Variants in DENND5A observed in about 807,000 individuals in gnomAD.
The protein encoded by DENND5A is DENN domain-containing protein 5A.
Under a neutral mutation model 140.3 loss-of-function variants are expected in DENND5A, and 64 were observed. The ratio of observed to expected loss-of-function variants is 0.46; its 90% CI spans 0.37 to 0.56. The LOEUF (loss-of-function observed/expected upper bound fraction) is 0.56. Among genes scored for constraint, DENND5A ranks in the 20% least tolerant of loss-of-function variants. The probability of loss-of-function intolerance (pLI) is 0.00; values close to 1 mark genes in which losing one functional copy is unlikely to be tolerated. For synonymous variants in DENND5A, 605 were observed against 607.7 expected (o/e 1.00, Z 0.07); for missense variants, 1,292 against 1,593.8 (o/e 0.81, Z 3.22).
intron 17 of DENND5A, 62 bp downstream of exon 17, chr11:9,145,608 T>C: frequency 6.3e-7 from 1 of 1,585,834 alleles, no homozygotes; most frequent in South Asian, 1.1e-5. Flanking sequence ...TGCAGAAAAC[T>C]CCCCAAAGCG....
intron 15 of DENND5A, 91 bp downstream of exon 15, chr11:9,149,990 C>A: frequency 1.3e-6 from 2 of 1,496,840 alleles, no homozygotes; most frequent in East Asian, 2.4e-5. Flanking sequence ...GCAGCAATGT[C>A]ACACTGAATA....
intron 10 of DENND5A, among the ~76,000 whole-genome samples, chr11:9,167,776 C>A (rs1848239977): frequency 6.6e-6 from 1 of 152,128 alleles, no homozygotes; most frequent in Non-Finnish European, 1.5e-5. Flanking sequence ...GCACTCCAAC[C>A]TGGGTGACAG....
intron 1 of DENND5A, among the ~76,000 whole-genome samples, chr11:9,239,731 G>A (rs1294884255): frequency 2.0e-5 from 3 of 152,126 alleles, no homozygotes; most frequent in African/African-American, 7.2e-5. Flanking sequence ...CAAAGTGCTG[G>A]GATTACAGGC....
intron 1 of DENND5A, among the ~76,000 whole-genome samples, chr11:9,222,195 T>A (rs935255570): frequency 6.6e-6 from 1 of 152,252 alleles, no homozygotes; most frequent in Non-Finnish European, 1.5e-5. Flanking sequence ...TATCAATGCA[T>A]GGCTAATCTT....
chr11:9,244,589 G>C (rs917459759), intron 1 of DENND5A, among the ~76,000 whole-genome samples: 7 of 152,090 alleles, frequency 4.6e-5, no homozygotes, highest in Non-Finnish European at 7.4e-5. Flanking sequence ...GGCTGGTCTT[G>C]AACTCCTGAC....
intron 12 of DENND5A, among the ~76,000 whole-genome samples, chr11:9,160,086 A>G (rs1039195405): frequency 1.3e-5 from 2 of 152,250 alleles, no homozygotes; most frequent in African/African-American, 2.4e-5. Flanking sequence ...ATGGATACTA[A>G]TATGTATTTT....
intron 22 of DENND5A, among the ~76,000 whole-genome samples, chr11:9,141,038 C>A (rs1435742148): frequency 6.6e-6 from 1 of 152,024 alleles, no homozygotes; most frequent in East Asian, 1.9e-4. Flanking sequence ...AGGCAGGAGA[C>A]TCACTTGAAC....
At chr11:9,263,856 A>AG (rs1352419197) in intron 1 of DENND5A, among the ~76,000 whole-genome samples, 1 of 150,540 alleles carries the variant, frequency 6.6e-6, no homozygotes, top group East Asian at 1.9e-4. Flanking sequence ...CTCAAAAAAA[A>AG]AAAAAAAAAA....
At chr11:9,233,417 A>G (rs898584620) in intron 1 of DENND5A, among the ~76,000 whole-genome samples, 8 of 151,298 alleles carry the variant, frequency 5.3e-5, no homozygotes, top group African/African-American at 1.9e-4. Flanking sequence ...AAAAAAAAAA[A>G]GAAATTCAAG....
At chr11:9,262,844 C>T (rs1306894097) in intron 1 of DENND5A, among the ~76,000 whole-genome samples, 1 of 152,140 alleles carries the variant, frequency 6.6e-6, no homozygotes, top group South Asian at 2.1e-4. Flanking sequence ...CGGGTTCACG[C>T]CATTCTCCTG....
At position 9,197,921 on chromosome 11, in the gene DENND5A, T is replaced by G. The variant is rs115820165; in HGVS notation, c.950-4240A>C. Among the ~76,000 whole-genome samples, 393 of 152,306 alleles carry G rather than the reference T, an allele frequency of 2.6e-3. 1 individual carries two copies. Among genetic ancestry groups the G allele is most frequent in the African/African-American group, 9.2e-3 (381 of 41,554 alleles). On this transcript the variant is annotated intron_variant, in intron 4 of 22. Coordinates refer to ENST00000328194, the MANE Select transcript of DENND5A (RefSeq NM_015213.4). Reference sequence around the variant, plus strand: ...TACAGTAAAAGACTACTTTAGATAGTAAAATATCATTGGAGATTTCTTACC... The same window carrying G: ...TACAGTAAAAGACTACTTTAGATAGGAAAATATCATTGGAGATTTCTTACC...
At chr11:9,233,039 C>T (rs1309419226) in intron 1 of DENND5A, among the ~76,000 whole-genome samples, 1 of 152,074 alleles carries the variant, frequency 6.6e-6, no homozygotes, top group Non-Finnish European at 1.5e-5. Context: ...AGTCAAAATA[C>T]TGGTTACCTG....
At chr11:9,216,539 G>C (rs1850100318) in intron 1 of DENND5A, among the ~76,000 whole-genome samples, 1 of 152,202 alleles carries the variant, frequency 6.6e-6, no homozygotes. Flanking sequence ...CCTCCAAAAA[G>C]CTCAGGAACT....
Position 9,248,953 on chromosome 11 carries a change from C to T in DENND5A, c.109+16008G>A, listed in dbSNP as rs544281058. On this transcript the variant is annotated intron_variant, in intron 1 of 22. Transcript: ENST00000328194. ...GATACACCTGAAAAAATAACCAAGT[C>T]CTGGCTGGGCGCGGTGGCTCACACC... is the stretch of plus-strand genomic sequence containing the variant. Among the ~76,000 whole-genome samples, 9 of 152,150 alleles carry T rather than the reference C, an allele frequency of 5.9e-5. 1 individual carries two copies. The South Asian group carries it at 1.9e-3, about 32-fold the overall frequency.
chr11:9,218,281 C>A (rs934369798), intron 1 of DENND5A, among the ~76,000 whole-genome samples: 4 of 150,838 alleles, frequency 2.7e-5, no homozygotes, highest in African/African-American at 7.3e-5. Context: ...AAAAAAAAAA[C>A]AAGCTTGTGG....
chr11:9,156,646 AC>A (rs1316082388), intron 12 of DENND5A, among the ~76,000 whole-genome samples: 2 of 151,112 alleles, frequency 1.3e-5, no homozygotes, highest in Non-Finnish European at 2.9e-5. Context: ...AAAAAAAGAT[AC>A]AAAAATTAGC....
intron 1 of DENND5A, among the ~76,000 whole-genome samples, chr11:9,227,132 T>C (rs13353070): frequency 0.043 from 6,454 of 151,760 alleles, 455 homozygotes; most frequent in African/African-American, 0.15. Context: ...CACGCCATTG[T>C]ACTCCAGCCT....
At chr11:9,184,262 A>C (rs1848830297) in intron 5 of DENND5A, among the ~76,000 whole-genome samples, 1 of 152,090 alleles carries the variant, frequency 6.6e-6, no homozygotes, top group African/African-American at 2.4e-5. Context: ...CTGAGGCAGG[A>C]GAATGTCATG....
intron 1 of DENND5A, among the ~76,000 whole-genome samples, chr11:9,261,485 T>C (rs770189340): frequency 6.6e-6 from 1 of 152,066 alleles, no homozygotes; most frequent in African/African-American, 2.4e-5. Flanking sequence ...TTTGTTTTAT[T>C]CAAAGATTCC....
Sources: allele counts gnomAD v4.1 joint callset (sites outside exome capture counted in the v4.1 genomes callset), GRCh38; gene constraint gnomAD v4.1.1; transcripts MANE v1.5; gene names NCBI Gene and HGNC (gene_info 2026-07-23, HGNC 2026-07-21).